Variants in YWHAE observed in about 807,000 individuals in gnomAD.
The protein encoded by YWHAE is tyrosine 3-monooxygenase/tryptophan 5-monooxygenase activation protein epsilon.
YWHAE carries 4 observed loss-of-function variants against 30.1 expected under a neutral mutation model. That is an observed-to-expected ratio of 0.13 (90% CI 0.07 to 0.30). The LOEUF is 0.30. Among genes scored for constraint, YWHAE ranks in the 10% least tolerant of loss-of-function variants. YWHAE has a pLI of 1.00. For missense variants in YWHAE, 121 were observed against 315.9 expected, an observed-to-expected ratio of 0.38 and a Z score of 4.68; for synonymous variants, 118 against 111.8, an observed-to-expected ratio of 1.06 and a Z score of -0.35.
intron 5 of YWHAE, among the ~76,000 whole-genome samples, chr17:1,347,265 G>A (rs1375373625): frequency 2.0e-5 from 3 of 151,776 alleles, no homozygotes; most frequent in South Asian, 2.1e-4. Flanking sequence ...CCCAGGAGGC[G>A]GAGCTTTCAG....
At chr17:1,391,238 G>C (rs930603949) in intron 1 of YWHAE, among the ~76,000 whole-genome samples, 1 of 152,066 alleles carries the variant, frequency 6.6e-6, no homozygotes, top group Non-Finnish European at 1.5e-5. Context: ...GCTAGGAGGA[G>C]GAAATTTTCA....
At chr17:1,386,307 T>C (rs1242755266) in intron 1 of YWHAE, among the ~76,000 whole-genome samples, 1 of 152,232 alleles carries the variant, frequency 6.6e-6, no homozygotes, top group East Asian at 1.9e-4. Context: ...TACAGTACCC[T>C]GCATATACCA....
chr17:1,363,026 C>T (rs1478585438), intron 2 of YWHAE, among the ~76,000 whole-genome samples: 2 of 152,122 alleles, frequency 1.3e-5, no homozygotes, highest in Non-Finnish European at 2.9e-5. Flanking sequence ...GTATCTACAG[C>T]AAACCCACCC....
At chr17:1,346,589 A>C (rs1371582856) in intron 5 of YWHAE, among the ~76,000 whole-genome samples, 2 of 152,252 alleles carry the variant, frequency 1.3e-5, no homozygotes, top group Non-Finnish European at 2.9e-5. Context: ...TCAAGGTTTC[A>C]GTAGTTTTCA....
intron 1 of YWHAE, among the ~76,000 whole-genome samples, chr17:1,392,792 G>T (rs1005679094): frequency 6.6e-6 from 1 of 151,872 alleles, no homozygotes; most frequent in South Asian, 2.1e-4. Flanking sequence ...GGAGGCTGCA[G>T]TGAGCCAAGA....
chr17:1,354,375 A>G (rs778891877), intron 4 of YWHAE, 28 bp from the exon 5 acceptor site: 49 of 1,601,696 alleles, frequency 3.1e-5, no homozygotes, highest in Non-Finnish European at 4.2e-5. Context: ...GAAGTGTTAT[A>G]AAAATTAAGT....
intron 1 of YWHAE, among the ~76,000 whole-genome samples, chr17:1,366,295 T>C (rs954485652): frequency 1.3e-5 from 2 of 151,904 alleles, no homozygotes; most frequent in Non-Finnish European, 2.9e-5. Flanking sequence ...ATCCCAGAAC[T>C]GTGGGAGGCC....
chr17:1,394,339 G>A (rs796132753), intron 1 of YWHAE, among the ~76,000 whole-genome samples: 5 of 148,640 alleles, frequency 3.4e-5, no homozygotes, highest in African/African-American at 1.2e-4. Context: ...TAGGCCAGAA[G>A]CAGTGACTCA....
chr17:1,359,736 T>C (rs2072822961), intron 4 of YWHAE, among the ~76,000 whole-genome samples: 1 of 151,508 alleles, frequency 6.6e-6, no homozygotes, highest in Non-Finnish European at 1.5e-5. Flanking sequence ...TAATTCGCTT[T>C]GTGTGGGGTG....
intron 5 of YWHAE, among the ~76,000 whole-genome samples, chr17:1,351,505 C>T (rs538752083): frequency 1.3e-5 from 2 of 152,052 alleles, no homozygotes. Context: ...GAAGTCAATC[C>T]CGCGCCCCAA....
chr17:1,387,224 A>G (rs539763981), intron 1 of YWHAE, among the ~76,000 whole-genome samples: 1 of 152,146 alleles, frequency 6.6e-6, no homozygotes, highest in Non-Finnish European at 1.5e-5. Flanking sequence ...GGGGTGGGGG[A>G]GTAATCCCCT....
chr17:1,383,309 G>A (rs1462580675), intron 1 of YWHAE, among the ~76,000 whole-genome samples: 2 of 151,608 alleles, frequency 1.3e-5, no homozygotes, highest in Non-Finnish European at 2.9e-5. Context: ...GAGATCGCGC[G>A]ATTGCACTCC....
chr17:1,346,809 T>A (rs570269849), intron 5 of YWHAE, among the ~76,000 whole-genome samples: 1,452 of 140,920 alleles, frequency 0.01, 25 homozygotes, highest in African/African-American at 0.033. Flanking sequence ...ACACAGTAAA[T>A]CCCCATCTCT....
chr17:1,361,491 A>G (rs1250384081), intron 3 of YWHAE, among the ~76,000 whole-genome samples, 193 bp from the exon 4 acceptor site: 3 of 152,248 alleles, frequency 2.0e-5, no homozygotes, highest in Admixed American at 6.6e-5. Flanking sequence ...TAGACATTTC[A>G]TATTACTAAA....
chr17:1,349,849 C>T (rs912358191), intron 5 of YWHAE, among the ~76,000 whole-genome samples: 7 of 152,064 alleles, frequency 4.6e-5, no homozygotes, highest in Non-Finnish European at 8.8e-5. Context: ...CTTCTGACCT[C>T]GTGATCCGCC....
Position 1,361,119 on chromosome 17 carries a change from A to C in YWHAE, c.551T>G (p.Ile184Ser). The change falls in exon 4 of 6, where the codon ATT becomes AGT. Residue 184 changes from isoleucine to serine, a missense_variant. Physicochemically the swap from Ile to Ser is moderately radical, Grantham distance 142. This residue lies in a region of YWHAE where 99 missense variants were observed against 289.3 expected (regional missense o/e 0.34). Transcript: ENST00000264335. ...ALNFSVFYYE[I>S]LNSPDRACRL... ...GCAGGCACGGTCAGGGGAATTAAGA[A>C]TTTCGTAGTAGAATACGGAAAAATT... 1 of 1,614,102 alleles carries C rather than the reference A, an allele frequency of 6.2e-7. No homozygotes were observed. Among genetic ancestry groups the C allele is most frequent in the Non-Finnish European group, 8.5e-7 (1 of 1,180,004 alleles).
chr17:1,355,683 C>CT (rs1726608531), intron 4 of YWHAE, among the ~76,000 whole-genome samples: 1 of 152,088 alleles, frequency 6.6e-6, no homozygotes, highest in Admixed American at 6.6e-5. Context: ...GAGACATAAT[C>CT]TAAGTCCACA....
At chr17:1,349,012 CAAGACTCT>C (rs2072572973) in intron 5 of YWHAE, among the ~76,000 whole-genome samples, 1 of 145,518 alleles carries the variant, frequency 6.9e-6, no homozygotes, top group Admixed American at 7.0e-5. Context: ...GGTGACAAAG[CAAGACTCT>C]GTCTCACGAA....
At chr17:1,390,790 C>T (rs1337768782) in intron 1 of YWHAE, among the ~76,000 whole-genome samples, 1 of 152,106 alleles carries the variant, frequency 6.6e-6, no homozygotes, top group African/African-American at 2.4e-5. Context: ...GATCTGATCA[C>T]AAATCAAGCC....
Sources: gnomAD v4.1 joint callset for allele counts (sites outside exome capture counted in the v4.1 genomes callset) on GRCh38, gnomAD v4.1.1 for gene constraint, gnomAD v4.1.1 regional missense constraint, MANE v1.5 for transcripts, NCBI Gene and HGNC (gene_info 2026-07-23, HGNC 2026-07-21) for gene names.